Variants in C3orf85 observed in about 807,000 individuals in gnomAD.
The protein encoded by C3orf85 is chromosome 3 open reading frame 85, also known as uncharacterized protein C3orf85.
Under a neutral mutation model 1.7 loss-of-function variants are expected in C3orf85, and 1 was observed. The ratio of observed to expected loss-of-function variants is 0.60; its 90% CI spans 0.21 to 2.86. The LOEUF is 2.86. C3orf85 is among the 30% of genes most tolerant of loss of function. The probability of loss-of-function intolerance (pLI) is 0.22; values close to 1 mark genes in which losing one functional copy is unlikely to be tolerated. For synonymous variants in C3orf85, 17 were observed against 8.0 expected, an observed-to-expected ratio of 2.13 and a Z score of -1.90; for missense variants, 29 against 21.3, an observed-to-expected ratio of 1.36 and a Z score of -0.72.
chr3:109,136,760 A>G lies in C3orf85; in HGVS notation c.-5+19A>G. 2.5e-6 allele frequency: 1 copy of G among 400,448 alleles called. No homozygotes were observed. 24.8% of individuals were successfully genotyped at this position (400,448 alleles called of 1,614,324 possible). A position where few individuals can be genotyped will look rare whatever the true frequency, so the allele number is the denominator to read the frequency against. ...CTTCCAGGTATGCAACAAATGCTTT[A>G]TACTTCTGAAAAGTACCTGATATAC... On this transcript the variant is annotated intron_variant, in intron 1 of 3. Coordinates refer to ENST00000622536, the MANE Select transcript of C3orf85 (RefSeq NM_001351622.2).
At position 109,148,286 on chromosome 3, in the gene C3orf85, C is replaced by A; in HGVS notation, c.83C>A (p.Pro28His). 1.4e-6 allele frequency: 1 copy of A among 702,596 alleles called. No individual in the cohort carries two copies. The highest frequency in any genetic ancestry group is 1.5e-5 in the South Asian group (1 of 67,564). The allele number at this position is 702,596 out of a possible 1,614,324, so 43.5% of individuals were successfully genotyped here. ...GGAGCGCCATTTTTGTTGGAAGACC[C>A]TGCAAACCAGTTCCTACGTCTCAAA... ...ALGAPFLLED[P>H]ANQFLRLKRH... Residue 28 changes from proline to histidine, a missense_variant, in exon 3 of 4, where the codon CCT becomes CAT. Coordinates refer to ENST00000622536, the MANE Select transcript of C3orf85 (RefSeq NM_001351622.2).
intron 2 of C3orf85, chr3:109,146,380 A>G (rs886913796): frequency 2.6e-5 from 4 of 152,218 alleles, no homozygotes; most frequent in Non-Finnish European, 4.4e-5. Flanking sequence ...TAAGTTATCT[A>G]CTACTGCATA....
intron 2 of C3orf85, among the ~76,000 whole-genome samples, chr3:109,144,840 G>A (rs981215163): frequency 6.6e-6 from 1 of 151,978 alleles, no homozygotes; most frequent in African/African-American, 2.4e-5. Context: ...GATGGAATTG[G>A]ATCTATTTTG....
chr3:109,139,509 AC>A (rs1452681896), intron 2 of C3orf85, among the ~76,000 whole-genome samples: 14 of 152,230 alleles, frequency 9.2e-5, no homozygotes, highest in Admixed American at 7.9e-4. Context: ...TGGAAAAAAA[AC>A]AAATTTGAAA....
Position 109,149,894 on chromosome 3 carries a change from A to T in C3orf85, c.273A>T (p.Ter91TyrextTer6). 2.5e-6 allele frequency: 1 copy of T among 398,352 alleles called. No homozygotes were observed. Among genetic ancestry groups the T allele is most frequent in the South Asian group, 1.3e-4 (1 of 7,856 alleles). The allele number at this position is 398,352 out of a possible 1,614,324, so 24.7% of individuals were successfully genotyped here. A position where few individuals can be genotyped will look rare whatever the true frequency, so the allele number is the denominator to read the frequency against. The change falls in exon 4 of 4, where the codon TAA becomes TAT. Residue 91 changes from the stop codon to tyrosine (Y), a stop_lost. Coordinates refer to ENST00000622536, the MANE Select transcript of C3orf85 (RefSeq NM_001351622.2). Reference sequence around the variant, plus strand: ...CCTTTGACATGTCTACTGCCCAGTAAATATGTTTTCCTGGTTAAAGCAGGA... The same window carrying T: ...CCTTTGACATGTCTACTGCCCAGTATATATGTTTTCCTGGTTAAAGCAGGA... Reference protein sequence around the residue: ...TFTFDMSTAQ* With the variant: ...TFTFDMSTAQY
At chr3:109,137,637 G>GTATATA (rs1553767249) in intron 2 of C3orf85, among the ~76,000 whole-genome samples, 6,596 of 79,766 alleles carry the variant, frequency 0.083, 495 homozygotes, top group East Asian at 0.3. Flanking sequence ...GTGTGTGTGT[G>GTATATA]TATATATATA....
chr3:109,136,761 T>C lies in C3orf85; in HGVS notation c.-5+20T>C. The stretch of plus-strand genomic sequence containing the variant: ...TTCCAGGTATGCAACAAATGCTTTA[T>C]ACTTCTGAAAAGTACCTGATATACC... On this transcript the variant is annotated intron_variant, in intron 1 of 3. Coordinates refer to ENST00000622536, the MANE Select transcript of C3orf85 (RefSeq NM_001351622.2). 1 of 400,580 alleles carries C rather than the reference T, an allele frequency of 2.5e-6. No individual in the cohort carries two copies. The allele number at this position is 400,580 out of a possible 1,614,324, so 24.8% of individuals were successfully genotyped here. A position where few individuals can be genotyped will look rare whatever the true frequency, so the allele number is the denominator to read the frequency against.
intron 2 of C3orf85, chr3:109,146,341 A>C (rs1190269509): frequency 6.6e-6 from 1 of 152,190 alleles, no homozygotes; most frequent in East Asian, 1.9e-4. Context: ...ATTTACCTTG[A>C]CATCAGTAAG....
chr3:109,151,030 C>T lies in C3orf85; in HGVS notation c.*1136C>T, dbSNP rs190971204. Among the ~76,000 whole-genome samples the T allele has an allele frequency of 6.6e-6, 1 of 152,276 alleles. No individual in the cohort carries two copies. Among genetic ancestry groups the T allele is most frequent in the East Asian group, 1.9e-4 (1 of 5,178 alleles). On this transcript the variant is annotated 3_prime_UTR_variant, in exon 4 of 4. Transcript: ENST00000622536. Reference sequence around the variant, plus strand: ...CTGCTCAGTGTTTCACATTTCCCATCCTATGGCCTAGAGGTGTTTTCAGTG... The same window carrying T: ...CTGCTCAGTGTTTCACATTTCCCATTCTATGGCCTAGAGGTGTTTTCAGTG...
At chr3:109,147,140 T>G (rs2107836424) in intron 2 of C3orf85, among the ~76,000 whole-genome samples, 1 of 152,264 alleles carries the variant, frequency 6.6e-6, no homozygotes, top group Admixed American at 6.5e-5. Context: ...AAGGAGCAGG[T>G]GAAACAACTT....
At chr3:109,148,519 C>A in intron 3 of C3orf85, 133 bp downstream of exon 3, 1 of 615,418 alleles carries the variant, frequency 1.6e-6, no homozygotes, top group Admixed American at 2.5e-5. Context: ...ACTATATCTG[C>A]TTTTTCTTGC....
rs1208214671 is a variant in C3orf85 at position 109,148,247 on chromosome 3, T to G, written c.50-6T>G. On this transcript the variant is annotated splice_region_variant and splice_polypyrimidine_tract_variant and intron_variant, in intron 2 of 3. Coordinates refer to ENST00000622536, the MANE Select transcript of C3orf85 (RefSeq NM_001351622.2). ...AGATGCTGTGCTCTTGGACTCTAAATTGCAGGAGCATTGGGAGCGCCATTT... is the reference window on the plus strand; with the variant it reads ...AGATGCTGTGCTCTTGGACTCTAAAGTGCAGGAGCATTGGGAGCGCCATTT... The G allele has an allele frequency of 1.4e-6, 1 of 701,248 alleles. No homozygotes were observed. The highest frequency in any genetic ancestry group is 2.6e-6 in the Non-Finnish European group (1 of 384,212). The allele number at this position is 701,248 out of a possible 1,614,324, so 43.4% of individuals were successfully genotyped here. A position where few individuals can be genotyped will look rare whatever the true frequency, so the allele number is the denominator to read the frequency against.
At chr3:109,143,581 T>A (rs1018897255) in intron 2 of C3orf85, among the ~76,000 whole-genome samples, 5 of 152,228 alleles carry the variant, frequency 3.3e-5, no homozygotes, top group Non-Finnish European at 7.3e-5. Flanking sequence ...TTGAAAGTAG[T>A]AGGAACTGTG....
chr3:109,150,517 T>C lies in C3orf85; in HGVS notation c.*623T>C. 6.6e-6 allele frequency: 1 copy of C among 152,234 alleles called. No homozygotes were observed. The highest frequency in any genetic ancestry group is 1.9e-4 in the East Asian group (1 of 5,204). The allele number at this position is 152,234 out of a possible 1,614,324, so 9.4% of individuals were successfully genotyped here. A position where few individuals can be genotyped will look rare whatever the true frequency, so the allele number is the denominator to read the frequency against. ...AAGTTTTGTAAAATTTTTGTAAGCT[T>C]TGCATTCTGTTCCACAATTTATTGA... On this transcript the variant is annotated 3_prime_UTR_variant, in exon 4 of 4. Transcript: ENST00000622536.
Position 109,150,430 on chromosome 3 carries a change from A to G in C3orf85, c.*536A>G, listed in dbSNP as rs559395438. Reference sequence around the variant, plus strand: ...GAGAATACAGCCTTACCTTAATACAACAAGTAGATAGTGGCTAGGAACTCA... The same window carrying G: ...GAGAATACAGCCTTACCTTAATACAGCAAGTAGATAGTGGCTAGGAACTCA... On this transcript the variant is annotated 3_prime_UTR_variant, in exon 4 of 4. Transcript: ENST00000622536. 6 of 152,298 alleles carry G rather than the reference A, an allele frequency of 3.9e-5. No individual in the cohort carries two copies. Among genetic ancestry groups the G allele is most frequent in the Admixed American group, 3.3e-4 (5 of 15,288 alleles). The allele number at this position is 152,298 out of a possible 1,614,324, so 9.4% of individuals were successfully genotyped here.
At chr3:109,142,061 CA>C (rs1174364556) in intron 2 of C3orf85, among the ~76,000 whole-genome samples, 3 of 152,202 alleles carry the variant, frequency 2.0e-5, no homozygotes, top group African/African-American at 4.8e-5. Context: ...AGAGAATATT[CA>C]AGTTTTAGAA....
chr3:109,142,984 A>G (rs1054072099), intron 2 of C3orf85, among the ~76,000 whole-genome samples: 3 of 152,244 alleles, frequency 2.0e-5, no homozygotes, highest in Admixed American at 6.5e-5. Context: ...TGCAGGTTGC[A>G]GAACCAGAAC....
chr3:109,136,997 A>C, intron 2 of C3orf85, 101 bp downstream of exon 2: 3 of 397,346 alleles, frequency 7.6e-6, no homozygotes, highest in Non-Finnish European at 8.9e-6. Context: ...GTTTTTATCC[A>C]TAGGCCTATT....
chr3:109,148,225 T>C (rs1168696097), intron 2 of C3orf85, 28 bp from the exon 3 acceptor site: 2 of 696,208 alleles, frequency 2.9e-6, no homozygotes, highest in South Asian at 3.0e-5. Flanking sequence ...CTCTAAAAGA[T>C]GCTGTGCTCT....
Sources: allele counts gnomAD v4.1 joint callset (sites outside exome capture counted in the v4.1 genomes callset), GRCh38; gene constraint gnomAD v4.1.1; transcripts MANE v1.5; gene names NCBI Gene and HGNC (gene_info 2026-07-23, HGNC 2026-07-21).